Variants in DNAJB12 observed in about 807,000 individuals in gnomAD.
DNAJB12 encodes the protein dnaJ homolog subfamily B member 12.
Under a neutral mutation model 40.6 loss-of-function variants are expected in DNAJB12, and 14 were observed. The ratio of observed to expected loss-of-function variants is 0.34; its 90% CI spans 0.23 to 0.54. DNAJB12 has a LOEUF of 0.54. Among genes scored for constraint, DNAJB12 ranks in the 20% least tolerant of loss-of-function variants. DNAJB12 has a pLI of 0.92. For synonymous variants in DNAJB12, 181 were observed against 199.5 expected, an observed-to-expected ratio of 0.91 and a Z score of 0.78; for missense variants, 444 against 501.7, an observed-to-expected ratio of 0.89 and a Z score of 1.10.
chr10:72,340,218 C>A (rs1425296330), intron 5 of DNAJB12, among the ~76,000 whole-genome samples: 4 of 151,868 alleles, frequency 2.6e-5, no homozygotes, highest in Non-Finnish European at 4.4e-5. Flanking sequence ...GTGGCACGCA[C>A]CCGTAATCCC....
intron 1 of DNAJB12, among the ~76,000 whole-genome samples, chr10:72,348,106 C>A (rs1013767673): frequency 1.3e-5 from 2 of 151,966 alleles, no homozygotes; most frequent in Non-Finnish European, 2.9e-5. Flanking sequence ...GCCTGTAATC[C>A]CAGCTACTCG....
intron 5 of DNAJB12, among the ~76,000 whole-genome samples, chr10:72,339,862 C>A (rs1057157314): frequency 5.9e-5 from 9 of 151,904 alleles, no homozygotes; most frequent in African/African-American, 2.2e-4. Flanking sequence ...AGGCGCCTGC[C>A]ACTACGCCCA....
chr10:72,338,362 T>A, intron 5 of DNAJB12, 51 bp from the exon 6 acceptor site: 4 of 1,478,208 alleles, frequency 2.7e-6, no homozygotes, highest in Non-Finnish European at 3.8e-6. Context: ...GGGTGTGGTG[T>A]CAGCCATAAT....
intron 1 of DNAJB12, among the ~76,000 whole-genome samples, chr10:72,346,252 C>T (rs1861784524): frequency 6.6e-6 from 1 of 152,092 alleles, no homozygotes; most frequent in Non-Finnish European, 1.5e-5. Context: ...CAACCTCTAC[C>T]TCCCAGGTTC....
intron 1 of DNAJB12, among the ~76,000 whole-genome samples, chr10:72,347,116 C>T (rs1377506568): frequency 6.6e-6 from 1 of 152,054 alleles, no homozygotes; most frequent in Non-Finnish European, 1.5e-5. Flanking sequence ...AGGTGCACAC[C>T]ACCACGCCGG....
Position 72,334,603 on chromosome 10 carries a change from C to T in DNAJB12, c.*45G>A. ...TCAGTGCATGTCACCAAAAATTCTCCAGGGATTTCATAGTCTGGGGAGGAG... is the reference window on the plus strand; with the variant it reads ...TCAGTGCATGTCACCAAAAATTCTCTAGGGATTTCATAGTCTGGGGAGGAG... On this transcript the variant is annotated 3_prime_UTR_variant, in exon 9 of 9. Coordinates refer to ENST00000444643, the MANE Select transcript of DNAJB12 (RefSeq NM_017626.7). The T allele has an allele frequency of 2.0e-6, 3 of 1,533,836 alleles. No homozygotes were observed. The highest frequency in any genetic ancestry group is 2.6e-6 in the Non-Finnish European group (3 of 1,146,272).
In DNAJB12 at chr10:72,334,455, C is replaced by G; in HGVS notation, c.*193G>C. 8.4e-7 allele frequency: 1 copy of G among 1,184,336 alleles called. No individual in the cohort carries two copies. The allele number at this position is 1,184,336 out of a possible 1,614,324, so 73.4% of individuals were successfully genotyped here. On this transcript the variant is annotated 3_prime_UTR_variant, in exon 9 of 9. Transcript: ENST00000444643. ...CCCCATGGCAGGTTTTCTGTCTGTC[C>G]TAAGAGCTTTCTGCATTTACTGGGT...
intron 5 of DNAJB12, 33 bp from the exon 6 acceptor site, chr10:72,338,344 C>T: frequency 6.3e-7 from 1 of 1,597,508 alleles, no homozygotes; most frequent in Non-Finnish European, 8.6e-7. Flanking sequence ...CTCTGCTGGA[C>T]CTGGGTGGGG....
intron 1 of DNAJB12, among the ~76,000 whole-genome samples, chr10:72,346,975 T>TC (rs1188541195): frequency 4.6e-5 from 7 of 151,916 alleles, no homozygotes. Flanking sequence ...TTTTTTTTTT[T>TC]CTTTTTTGAG....
intron 1 of DNAJB12, among the ~76,000 whole-genome samples, chr10:72,350,467 A>G (rs956368455): frequency 5.3e-5 from 8 of 151,212 alleles, no homozygotes; most frequent in Non-Finnish European, 1.2e-4. Context: ...GCCATTTGCT[A>G]GAAGGGTCAT....
At chr10:72,345,659 G>C (rs1861767323) in intron 1 of DNAJB12, among the ~76,000 whole-genome samples, 1 of 150,592 alleles carries the variant, frequency 6.6e-6, no homozygotes, top group African/African-American at 2.4e-5. Context: ...GATCACCTGA[G>C]ATCAGGAGTT....
chr10:72,342,015 C>A (rs1861652832), intron 3 of DNAJB12, among the ~76,000 whole-genome samples: 1 of 152,196 alleles, frequency 6.6e-6, no homozygotes, highest in Admixed American at 6.5e-5. Context: ...GTTCTGTAAA[C>A]CTGAAGTCAT....
chr10:72,335,328 T>A lies in DNAJB12; in HGVS notation c.*30+452A>T. 2.0e-6 allele frequency: 2 copies of A among 988,582 alleles called. No homozygotes were observed. Among genetic ancestry groups the A allele is most frequent in the South Asian group, 4.6e-5 (1 of 21,924 alleles). 61.2% of individuals were successfully genotyped at this position (988,582 alleles called of 1,614,324 possible). A position where few individuals can be genotyped will look rare whatever the true frequency, so the allele number is the denominator to read the frequency against. On this transcript the variant is annotated intron_variant, in intron 8 of 8. Coordinates refer to ENST00000444643, the MANE Select transcript of DNAJB12 (RefSeq NM_017626.7). This position sits in a 1 kb window ranked among gnomAD's most constrained non-coding sequence, Gnocchi z 4.4. Reference sequence around the variant, plus strand: ...TCTTGGCCCACCTATTCCCACATGGTTCTTCCTGGTATCAGGCAGGCAGTG... The same window carrying A: ...TCTTGGCCCACCTATTCCCACATGGATCTTCCTGGTATCAGGCAGGCAGTG...
chr10:72,339,199 C>T (rs1470546404), intron 5 of DNAJB12, among the ~76,000 whole-genome samples: 2 of 142,568 alleles, frequency 1.4e-5, no homozygotes, highest in African/African-American at 5.3e-5. Flanking sequence ...AGGGGAGGCT[C>T]CTGCACTCTA....
At chr10:72,337,457 CA>C (rs1485457973) in intron 6 of DNAJB12, among the ~76,000 whole-genome samples, 1 of 152,224 alleles carries the variant, frequency 6.6e-6, no homozygotes, top group Non-Finnish European at 1.5e-5. Flanking sequence ...AGGTGCTGGA[CA>C]TCAGTGAGGG....
intron 1 of DNAJB12, chr10:72,353,843 G>C (rs565549851): frequency 6.6e-6 from 1 of 152,194 alleles, no homozygotes; most frequent in African/African-American, 2.4e-5. Context: ...CCTTCGGAGT[G>C]CCTGTTATTC....
At chr10:72,351,704 T>C (rs1218019546) in intron 1 of DNAJB12, among the ~76,000 whole-genome samples, 1 of 152,252 alleles carries the variant, frequency 6.6e-6, no homozygotes, top group Non-Finnish European at 1.5e-5. Context: ...CCATTGTGCC[T>C]GCAGCAACTT....
chr10:72,337,947 ATG>A (rs1291423212), intron 6 of DNAJB12, among the ~76,000 whole-genome samples: 3 of 151,974 alleles, frequency 2.0e-5, no homozygotes, highest in Non-Finnish European at 4.4e-5. Context: ...GTGTGTGTGT[ATG>A]TGTGTGTGCA....
At chr10:72,344,437 G>C (rs535926505) in intron 2 of DNAJB12, among the ~76,000 whole-genome samples, 1 of 152,234 alleles carries the variant, frequency 6.6e-6, no homozygotes, top group Non-Finnish European at 1.5e-5. Context: ...TAAGCCTGAG[G>C]AGCCTTGGCT....
Sources: gnomAD v4.1 joint callset for allele counts (sites outside exome capture counted in the v4.1 genomes callset) on GRCh38, gnomAD v4.1.1 for gene constraint, Gnocchi (gnomAD v3.1) non-coding constraint, MANE v1.5 for transcripts, NCBI Gene and HGNC (gene_info 2026-07-23, HGNC 2026-07-21) for gene names.